The following SREBF1 variants were observed in gnomAD, a reference collection of about 807,000 sequenced individuals.
The protein encoded by SREBF1 is sterol regulatory element-binding protein 1.
A neutral mutation model predicts 100.1 loss-of-function variants in SREBF1; 45 were observed. The ratio of observed to expected loss-of-function variants is 0.45; its 90% CI spans 0.35 to 0.58. The LOEUF (loss-of-function observed/expected upper bound fraction) is 0.58. Ranked by LOEUF, SREBF1 falls within the 20% of genes least tolerant of loss-of-function variation. SREBF1 has a pLI of 0.00. For synonymous variants in SREBF1, 657 were observed against 681.8 expected, an observed-to-expected ratio of 0.96 and a Z score of 0.57; for missense variants, 1,324 against 1,539.4, an observed-to-expected ratio of 0.86 and a Z score of 2.34.
At chr17:17,815,387 C>T in intron 12 of SREBF1, 58 bp from the exon 13 acceptor site, 1 of 1,456,744 alleles carries the variant, frequency 6.9e-7, no homozygotes, top group Admixed American at 1.7e-5. Context: ...CCTCTCCAAG[C>T]TAAGGGCTTT....
At chr17:17,816,179 TA>T in intron 11 of SREBF1, 27 bp downstream of exon 11, 1 of 121,494 alleles carries the variant, frequency 8.2e-6, no homozygotes. Context: ...GCTGCAGGGA[TA>T]AGCCCCCAGC....
chr17:17,836,034 C>T lies in SREBF1; in HGVS notation c.91+693G>A, dbSNP rs11652861. On this transcript the variant is annotated intron_variant, in intron 1 of 18. Transcript: ENST00000261646. ...ACCGCTCTACCCAAAGTAGCCACAT[C>T]CCTGCCCTCCCCCAGCCTCGCTCCA... Among the ~76,000 whole-genome samples, 41 of 152,386 alleles carry T rather than the reference C, an allele frequency of 2.7e-4. 1 individual carries two copies. In the South Asian group the frequency reaches 8.1e-3, roughly 30 times the overall value.
chr17:17,833,493 C>T (rs1431826844), intron 1 of SREBF1, among the ~76,000 whole-genome samples: 2 of 132,976 alleles, frequency 1.5e-5, no homozygotes, highest in East Asian at 5.1e-4. Context: ...ACATACAGAT[C>T]CACAGCTGCC....
intron 1 of SREBF1, among the ~76,000 whole-genome samples, chr17:17,829,729 C>CA (rs1287711912): frequency 1.3e-5 from 2 of 151,956 alleles, no homozygotes; most frequent in African/African-American, 4.8e-5. Flanking sequence ...ACTGCAGCCT[C>CA]AACCTCCTGG....
intron 1 of SREBF1, among the ~76,000 whole-genome samples, chr17:17,827,231 T>C (rs1417392378): frequency 1.3e-5 from 2 of 152,182 alleles, no homozygotes; most frequent in Non-Finnish European, 1.5e-5. Context: ...TGGTCTGTCA[T>C]CTGAGCCAAG....
Position 17,817,141 on chromosome 17 carries a change from G to A in SREBF1, c.1607-5C>T, listed in dbSNP as rs1334841628. The A allele has an allele frequency of 6.2e-7, 1 of 1,613,106 alleles. No homozygotes were observed. Among genetic ancestry groups the A allele is most frequent in the Admixed American group, 1.7e-5 (1 of 60,034 alleles). ...ACTGGGCCCAGCCAGGGCCATCTATGGACAGAGGGAAAGCTGGGGACACAG... is the reference window on the plus strand; with the variant it reads ...ACTGGGCCCAGCCAGGGCCATCTATAGACAGAGGGAAAGCTGGGGACACAG... On this transcript the variant is annotated splice_polypyrimidine_tract_variant and splice_region_variant and intron_variant, in intron 8 of 18. Transcript: ENST00000261646. This position sits in a 1 kb window ranked among gnomAD's most constrained non-coding sequence, Gnocchi z 6.6.
In SREBF1 at chr17:17,820,392, G is replaced by A. The variant is rs1450837743; in HGVS notation, c.221C>T (p.Pro74Leu). The A allele has an allele frequency of 1.2e-6, 2 of 1,612,542 alleles. No individual in the cohort carries two copies. The highest frequency in any genetic ancestry group is 1.7e-6 in the Non-Finnish European group (2 of 1,178,872). ...AGAGGAGCTCAATGTGGCAGGAGGT[G>A]GAGACAAGCTGCCTGGGGAGCTGGT... is the stretch of plus-strand genomic sequence containing the variant. ...PDTSSPGSLS[P>L]PPATLSSSLE... The change falls in exon 2 of 19, where the codon CCA becomes CTA. Residue 74 changes from proline to leucine, a missense_variant. Pro to Leu is a moderately conservative substitution (Grantham distance 98). Transcript: ENST00000261646.
At chr17:17,834,091 G>A (rs1288254115) in intron 1 of SREBF1, among the ~76,000 whole-genome samples, 4 of 151,938 alleles carry the variant, frequency 2.6e-5, no homozygotes, top group African/African-American at 9.7e-5. Flanking sequence ...ATCTCTGGGT[G>A]GTAGGTTTAA....
chr17:17,813,275 GAC>G (rs753476023), intron 18 of SREBF1, 91 bp downstream of exon 18: 23 of 1,310,008 alleles, frequency 1.8e-5, no homozygotes, highest in Non-Finnish European at 2.2e-5. Context: ...TGTCCCGTCT[GAC>G]ACACACACAG....
chr17:17,819,992 G>T, intron 2 of SREBF1, 98 bp downstream of exon 2: 1 of 1,349,698 alleles, frequency 7.4e-7, no homozygotes, highest in Non-Finnish European at 1.0e-6. Flanking sequence ...AGTTTCTAAA[G>T]CCTGCACAGA....
rs2033930177 is a variant in SREBF1, at chr17:17,819,594, C to T, written c.655G>A (p.Ala219Thr). Residue 219 changes from alanine (A) to threonine (T), a missense_variant, in exon 3 of 19, where the codon GCC (alanine) becomes ACC (threonine). Ala to Thr is a moderately conservative substitution (Grantham distance 58). Coordinates refer to ENST00000261646, the MANE Select transcript of SREBF1 (RefSeq NM_004176.5). ...VPQQLLTVTA[A>T]PTAAPVTTTV... ...GTCGTTACAGGGGCTGCCGTGGGGG[C>T]AGCTGTGACTGTCAGTAGCTGCTGG... is the stretch of plus-strand genomic sequence containing the variant. The T allele has an allele frequency of 6.2e-7, 1 of 1,613,782 alleles. No homozygotes were observed. Among genetic ancestry groups the T allele is most frequent in the African/African-American group, 1.3e-5 (1 of 75,060 alleles).
chr17:17,813,493 G>A lies in SREBF1; in HGVS notation c.3103-14C>T, dbSNP rs191900683. ...ATGTAGGAACACCTGGGGGCCAGGA[G>A]AGTGGAGGCTCAGGGCTCTCCATCT... On this transcript the variant is annotated splice_polypyrimidine_tract_variant and intron_variant, in intron 17 of 18. Coordinates refer to ENST00000261646, the MANE Select transcript of SREBF1 (RefSeq NM_004176.5). 3 of 1,592,820 alleles carry A rather than the reference G, an allele frequency of 1.9e-6. No individual in the cohort carries two copies. The highest frequency in any genetic ancestry group is 2.3e-5 in the East Asian group (1 of 43,720).
At chr17:17,836,337 G>C (rs2035233125) in intron 1 of SREBF1, among the ~76,000 whole-genome samples, 1 of 152,254 alleles carries the variant, frequency 6.6e-6, no homozygotes, top group Admixed American at 6.5e-5. Flanking sequence ...GAGTAACCTC[G>C]CAATTACGTC....
In SREBF1 at chr17:17,834,025, C is replaced by CAGAGAGAGAG. The variant is rs113396102; in HGVS notation, c.91+2701_91+2702insCTCTCTCTCT. Reference sequence around the variant, plus strand: ...ACCCATCCCCAAACACATATAAACACACAGAGAGAGAGAGAGAGAGAGAAG... The same window carrying CAGAGAGAGAG: ...ACCCATCCCCAAACACATATAAACACAGAGAGAGAGACAGAGAGAGAGAGAGAGAGAGAAG... On this transcript the variant is annotated intron_variant, in intron 1 of 18. Coordinates refer to ENST00000261646, the MANE Select transcript of SREBF1 (RefSeq NM_004176.5). Among the ~76,000 whole-genome samples, 305 of 147,610 alleles carry CAGAGAGAGAG rather than the reference C, an allele frequency of 2.1e-3. 1 individual carries two copies. The highest frequency in any genetic ancestry group is 2.8e-3 in the African/African-American group (111 of 39,306).
At chr17:17,835,312 T>G (rs1373701089) in intron 1 of SREBF1, among the ~76,000 whole-genome samples, 2 of 152,082 alleles carry the variant, frequency 1.3e-5, no homozygotes, top group Non-Finnish European at 2.9e-5. Context: ...CAGAGGGCAG[T>G]GAAGGACAAC....
At position 17,824,517 on chromosome 17, in the gene SREBF1, G is replaced by A. The variant is rs1320596901; in HGVS notation, c.92-3996C>T. On this transcript the variant is annotated intron_variant, in intron 1 of 18. Coordinates refer to ENST00000261646, the MANE Select transcript of SREBF1 (RefSeq NM_004176.5). The surrounding 1 kb of genome is among the most constrained non-coding windows in gnomAD (Gnocchi z 4.2). ...TAGGACAGAAGATGGGTAAGGAAGG[G>A]GTGACAGGCTCTAGGGTTCTTTTGA... is the stretch of plus-strand genomic sequence containing the variant. Among the ~76,000 whole-genome samples, 1 of 152,186 alleles carries A rather than the reference G, an allele frequency of 6.6e-6. No individual in the cohort carries two copies. Among genetic ancestry groups the A allele is most frequent in the Non-Finnish European group, 1.5e-5 (1 of 68,022 alleles).
At chr17:17,823,667 C>T in intron 1 of SREBF1, 3 of 1,291,996 alleles carry the variant, frequency 2.3e-6, no homozygotes, top group Non-Finnish European at 3.2e-6. Context: ...CGCCCCGCCC[C>T]GCCCCGCCCC....
At chr17:17,813,241 G>A (rs2033131631) in intron 18 of SREBF1, 127 bp downstream of exon 18, 2 of 1,001,498 alleles carry the variant, frequency 2.0e-6, no homozygotes, top group Middle Eastern at 3.0e-4. Flanking sequence ...AGTGCTAGGT[G>A]TGAGCCACTG....
rs769335094 is a variant in SREBF1 at position 17,812,739 on chromosome 17, C to T, written c.3327G>A (p.Val1109=). 1.7e-5 allele frequency: 26 copies of T among 1,562,320 alleles called. No individual in the cohort carries two copies. In the Admixed American group the frequency reaches 2.6e-4, roughly 15 times the overall value. ...TGCGCGCCGCCTCAGCCAGCATGCC[C>T]ACGCGCTGCCCGGGCGCCGACAGGA... is the stretch of plus-strand genomic sequence containing the variant. ...PGFLSAPGQR[V]GMLAEAARTL... The change falls in exon 19 of 19, where the codon GTG becomes GTA. Residue 1109 remains valine (V), a synonymous_variant. Coordinates refer to ENST00000261646, the MANE Select transcript of SREBF1 (RefSeq NM_004176.5).
Sources: allele counts gnomAD v4.1 joint callset (sites outside exome capture counted in the v4.1 genomes callset), GRCh38; gene constraint gnomAD v4.1.1; non-coding constraint Gnocchi (gnomAD v3.1); transcripts MANE v1.5; gene names NCBI Gene and HGNC (gene_info 2026-07-23, HGNC 2026-07-21).